The following TBC1D32 variants were observed in gnomAD, a reference collection of about 807,000 sequenced individuals.
TBC1D32 encodes the protein TBC1 domain family member 32, also known as protein broad-minded.
A neutral mutation model predicts 170.3 loss-of-function variants in TBC1D32; 151 were observed. The ratio of observed to expected loss-of-function variants is 0.89; its 90% CI spans 0.78 to 1.01. The LOEUF is 1.01. Among genes scored for constraint, TBC1D32 ranks in the 50% least tolerant of loss-of-function variants. The probability of loss-of-function intolerance (pLI) is 0.00; values close to 1 mark genes in which losing one functional copy is unlikely to be tolerated. For missense variants in TBC1D32, 1,464 were observed against 1,457.1 expected (o/e 1.00, Z -0.08); for synonymous variants, 498 against 488.0 (o/e 1.02, Z -0.27).
chr6:121,100,082 T>C (rs1344920183), intron 30 of TBC1D32, among the ~76,000 whole-genome samples: 1 of 151,884 alleles, frequency 6.6e-6, no homozygotes, highest in Non-Finnish European at 1.5e-5. Flanking sequence ...CGGTTTTGAG[T>C]GAGTTTCTTA....
At chr6:121,122,955 C>G (rs547999845) in intron 26 of TBC1D32, among the ~76,000 whole-genome samples, 1 of 152,064 alleles carries the variant, frequency 6.6e-6, no homozygotes, top group Non-Finnish European at 1.5e-5. Flanking sequence ...AGACTTTATG[C>G]TATGGTCAAT....
chr6:121,326,461 AAT>A (rs1467870946), intron 1 of TBC1D32, among the ~76,000 whole-genome samples: 5 of 152,200 alleles, frequency 3.3e-5, no homozygotes, highest in African/African-American at 1.2e-4. Flanking sequence ...GTACTCCATA[AAT>A]ATGTTCAATT....
chr6:121,232,532 T>C (rs754436053), intron 20 of TBC1D32, among the ~76,000 whole-genome samples: 3 of 152,186 alleles, frequency 2.0e-5, no homozygotes, highest in Non-Finnish European at 2.9e-5. Context: ...ATTTTCACAA[T>C]ATTGATTCTA....
intron 22 of TBC1D32, among the ~76,000 whole-genome samples, chr6:121,181,325 C>T (rs1788481150): frequency 1.3e-5 from 2 of 151,920 alleles, no homozygotes; most frequent in Admixed American, 1.3e-4. Flanking sequence ...CAGATTCCTC[C>T]CCCTCCTCTT....
intron 1 of TBC1D32, among the ~76,000 whole-genome samples, chr6:121,329,062 C>G (rs989517074): frequency 2.0e-5 from 3 of 152,162 alleles, no homozygotes; most frequent in African/African-American, 7.2e-5. Context: ...TTAAAACATA[C>G]AGCAATGTGT....
intron 12 of TBC1D32, among the ~76,000 whole-genome samples, chr6:121,290,371 T>A (rs1184851376): frequency 6.6e-6 from 1 of 152,148 alleles, no homozygotes; most frequent in African/African-American, 2.4e-5. Context: ...AAAGAAGACA[T>A]TTATGCAGCC....
chr6:121,291,680 A>C (rs1419691161), intron 12 of TBC1D32, among the ~76,000 whole-genome samples: 1 of 152,150 alleles, frequency 6.6e-6, no homozygotes, highest in Non-Finnish European at 1.5e-5. Flanking sequence ...CTGTAACTTA[A>C]ATATTACCAA....
Position 121,328,979 on chromosome 6 carries a change from C to T in TBC1D32, c.155+5297G>A, listed in dbSNP as rs147414743. Among the ~76,000 whole-genome samples, 345 of 152,156 alleles carry T rather than the reference C, an allele frequency of 2.3e-3. 1 individual carries two copies. The highest frequency in any genetic ancestry group is 8.0e-3 in the African/African-American group (333 of 41,502). The stretch of plus-strand genomic sequence containing the variant: ...ATTCTTCAAAGAGGGACATTAAAAC[C>T]TAAAAAGACAGCTGTTTGTTAATAA... On this transcript the variant is annotated intron_variant, in intron 1 of 31. Coordinates refer to ENST00000398212, the MANE Select transcript of TBC1D32 (RefSeq NM_152730.6).
At chr6:121,238,808 T>C (rs1331947873) in intron 20 of TBC1D32, among the ~76,000 whole-genome samples, 1 of 152,064 alleles carries the variant, frequency 6.6e-6, no homozygotes, top group East Asian at 1.9e-4. Flanking sequence ...TTATTACTCT[T>C]CATTAAGGGA....
intron 30 of TBC1D32, 125 bp downstream of exon 30, chr6:121,105,898 T>C: frequency 9.0e-7 from 1 of 1,106,662 alleles, no homozygotes. Context: ...GGAGAAAAGC[T>C]AGCTTGAGGA....
intron 15 of TBC1D32, among the ~76,000 whole-genome samples, chr6:121,269,580 T>C (rs1395789640): frequency 1.3e-5 from 2 of 152,058 alleles, no homozygotes; most frequent in African/African-American, 2.4e-5. Flanking sequence ...AACATATATG[T>C]ACCCAATACA....
At chr6:121,197,827 G>A (rs9387928) in intron 22 of TBC1D32, among the ~76,000 whole-genome samples, 103,570 of 152,062 alleles carry the variant, frequency 0.68, 40,631 homozygotes, top group Non-Finnish European at 0.87. Context: ...TACTGATCCC[G>A]GGTATGCCTG....
At chr6:121,310,651 G>T (rs1808051113) in intron 4 of TBC1D32, 128 bp downstream of exon 4, 3 of 671,374 alleles carry the variant, frequency 4.5e-6, no homozygotes, top group African/African-American at 3.7e-5. Context: ...AGGGATATCA[G>T]TCCAGGATTG....
intron 5 of TBC1D32, among the ~76,000 whole-genome samples, chr6:121,305,754 G>A (rs966003740): frequency 2.6e-5 from 4 of 151,540 alleles, no homozygotes; most frequent in Non-Finnish European, 4.4e-5. Context: ...GCATGTAAGA[G>A]TCCTTTAGAG....
chr6:121,107,080 A>G (rs920632528), intron 29 of TBC1D32, among the ~76,000 whole-genome samples: 4 of 151,978 alleles, frequency 2.6e-5, no homozygotes, highest in African/African-American at 4.8e-5. Context: ...GACTTTACAT[A>G]GTTAAAAGAC....
intron 1 of TBC1D32, among the ~76,000 whole-genome samples, chr6:121,331,433 T>A (rs1043258119): frequency 6.6e-6 from 1 of 151,702 alleles, no homozygotes; most frequent in African/African-American, 2.4e-5. Context: ...TTCGCTAGGC[T>A]GGTCTTGAAC....
At position 121,239,179 on chromosome 6, in the gene TBC1D32, T is replaced by C. The variant is rs372378065; in HGVS notation, c.2255A>G (p.Asn752Ser). 44 of 1,563,250 alleles carry C rather than the reference T, an allele frequency of 2.8e-5. No individual in the cohort carries two copies. The African/African-American group carries it at 5.4e-4, about 19-fold the overall frequency. Residue 752 changes from asparagine to serine, a missense_variant, in exon 20 of 32, where the codon AAT (asparagine) becomes AGT (serine). Physicochemically the swap from Asn to Ser is conservative, Grantham distance 46. This residue lies in a region of TBC1D32 where 1,363 missense variants were observed against 1,338.1 expected (regional missense o/e 1.02). Coordinates refer to ENST00000398212, the MANE Select transcript of TBC1D32 (RefSeq NM_152730.6). ...GGACCATAATTCAGTTATAAGTTCA[T>C]TAATAAACCCTAAAAAGAATTATTA... is the stretch of plus-strand genomic sequence containing the variant. ...GIALKKSGFINELITELWSNL... is the reference protein window; with the variant it reads ...GIALKKSGFISELITELWSNL...
intron 25 of TBC1D32, among the ~76,000 whole-genome samples, chr6:121,127,231 C>T (rs1582880115): frequency 6.6e-6 from 1 of 152,082 alleles, no homozygotes. Flanking sequence ...TAAATGAACC[C>T]TATTCCACAA....
Position 121,310,842 on chromosome 6 carries a change from G to A in TBC1D32, c.501C>T (p.Tyr167=). The A allele has an allele frequency of 1.3e-6, 2 of 1,558,458 alleles. No individual in the cohort carries two copies. The highest frequency in any genetic ancestry group is 1.8e-6 in the Non-Finnish European group (2 of 1,133,872). Residue 167 remains tyrosine (Y), a synonymous_variant, in exon 4 of 32, where the codon TAC becomes TAT. Transcript: ENST00000398212. ...ATTGTAATTTTCCTTGACAAAATTTGTAACTCTGTAACACAATTGTCAGGA... is the reference window on the plus strand; with the variant it reads ...ATTGTAATTTTCCTTGACAAAATTTATAACTCTGTAACACAATTGTCAGGA... ...SDSDSSLNQS[Y]KFCQGKLQLI... is the part of the protein sequence containing the mutation.
Sources: allele counts gnomAD v4.1 joint callset (sites outside exome capture counted in the v4.1 genomes callset), GRCh38; gene constraint gnomAD v4.1.1; regional missense constraint gnomAD v4.1.1; transcripts MANE v1.5; gene names NCBI Gene and HGNC (gene_info 2026-07-23, HGNC 2026-07-21).